The following SMAD3 variants were observed in gnomAD, a reference collection of about 807,000 sequenced individuals.
SMAD3 encodes the protein MAD homolog 3.
In SMAD3, 12 loss-of-function variants were observed where a neutral mutation model predicts 51.8. The observed-to-expected ratio is 0.23, with a 90% CI of 0.15 to 0.38. The LOEUF (loss-of-function observed/expected upper bound fraction) is 0.38, where lower values mean the gene tolerates loss of function less well. Among genes scored for constraint, SMAD3 ranks in the 10% least tolerant of loss-of-function variants. The pLI is 1.00. For missense variants in SMAD3, 294 were observed against 565.6 expected (o/e 0.52, Z 4.87); for synonymous variants, 238 against 227.7 (o/e 1.05, Z -0.41).
At chr15:67,072,479 A>G (rs1566958664) in intron 1 of SMAD3, among the ~76,000 whole-genome samples, 1 of 152,236 alleles carries the variant, frequency 6.6e-6, no homozygotes, top group South Asian at 2.1e-4. Flanking sequence ...AGTCTCATCA[A>G]TAGTCCTAAT....
At chr15:67,068,888 A>G (rs1959987181) in intron 1 of SMAD3, among the ~76,000 whole-genome samples, 1 of 152,170 alleles carries the variant, frequency 6.6e-6, no homozygotes, top group Non-Finnish European at 1.5e-5. Flanking sequence ...TGCTTGTCAA[A>G]TTGTCTGCTT....
rs1595941694 is a variant in SMAD3, at chr15:67,164,975, A to T, written c.287A>T (p.Asp96Val). 1 of 1,614,006 alleles carries T rather than the reference A, an allele frequency of 6.2e-7. No individual in the cohort carries two copies. The highest frequency in any genetic ancestry group is 8.5e-7 in the Non-Finnish European group (1 of 1,180,022). Residue 96 changes from aspartate to valine, a missense_variant, in exon 2 of 9, where the codon GAC becomes GTC. Around this residue, in one of 3 missense-constraint regions of SMAD3, gnomAD observed 147 missense variants for 260.9 expected, o/e 0.56. Coordinates refer to ENST00000327367, the MANE Select transcript of SMAD3 (RefSeq NM_005902.4). ...VIYCRLWRWP[D>V]LHSHHELRAM... Reference sequence around the variant, plus strand: ...TACTGCCGCCTGTGGCGATGGCCAGACCTGCACAGCCACCACGAGCTACGG... The same window carrying T: ...TACTGCCGCCTGTGGCGATGGCCAGTCCTGCACAGCCACCACGAGCTACGG...
rs555324405 is a variant in SMAD3 at position 67,194,674 on chromosome 15, G to T, written c.*4138G>T. Reference sequence around the variant, plus strand: ...AGTTGGGGCACAGCCAGTTCTGAATGTTGGTGGAGGGTGTAGTGGCTTTTT... The same window carrying T: ...AGTTGGGGCACAGCCAGTTCTGAATTTTGGTGGAGGGTGTAGTGGCTTTTT... On this transcript the variant is annotated 3_prime_UTR_variant, in exon 9 of 9. Coordinates refer to ENST00000327367, the MANE Select transcript of SMAD3 (RefSeq NM_005902.4). 9.0e-5 allele frequency: 21 copies of T among 232,126 alleles called. No homozygotes were observed. The highest frequency in any genetic ancestry group is 7.3e-4 in the Admixed American group (13 of 17,758). The allele number at this position is 232,126 out of a possible 1,614,324, so 14.4% of individuals were successfully genotyped here. A position where few individuals can be genotyped will look rare whatever the true frequency, so the allele number is the denominator to read the frequency against.
At chr15:67,175,621 C>T (rs1036867216) in intron 5 of SMAD3, among the ~76,000 whole-genome samples, 8 of 152,196 alleles carry the variant, frequency 5.3e-5, no homozygotes, top group Non-Finnish European at 1.0e-4. Context: ...CCTAGTTGCA[C>T]CTCTGCTGGG....
intron 1 of SMAD3, among the ~76,000 whole-genome samples, chr15:67,143,649 G>T (rs1267211535): frequency 6.6e-6 from 1 of 152,202 alleles, no homozygotes; most frequent in Non-Finnish European, 1.5e-5. Flanking sequence ...GACCAGGCTG[G>T]TCTTGAACTC....
intron 1 of SMAD3, among the ~76,000 whole-genome samples, chr15:67,113,665 T>C (rs1961073326): frequency 6.6e-6 from 1 of 152,226 alleles, no homozygotes. Context: ...ATGACAAGAT[T>C]AACACAGATG....
At chr15:67,186,758 G>T in intron 7 of SMAD3, 1 of 236,918 alleles carries the variant, frequency 4.2e-6, no homozygotes, top group South Asian at 5.1e-5. Context: ...CCAAAATTTG[G>T]CCCAGATCTC....
At chr15:67,103,507 T>C (rs1044812484) in intron 1 of SMAD3, among the ~76,000 whole-genome samples, 2 of 152,230 alleles carry the variant, frequency 1.3e-5, no homozygotes, top group Non-Finnish European at 2.9e-5. Context: ...TGGGTGGGTC[T>C]GGCCCAGGGC....
chr15:67,080,684 G>A (rs112149625), intron 1 of SMAD3, among the ~76,000 whole-genome samples: 1 of 152,172 alleles, frequency 6.6e-6, no homozygotes, highest in African/African-American at 2.4e-5. Flanking sequence ...CTTGAGGAAG[G>A]AATTAAAAAT....
intron 1 of SMAD3, among the ~76,000 whole-genome samples, chr15:67,124,554 A>G (rs1961341135): frequency 1.3e-5 from 2 of 152,234 alleles, no homozygotes; most frequent in Non-Finnish European, 2.9e-5. Context: ...AAAAAGAAAA[A>G]GATTTTGGTT....
chr15:67,072,597 G>C (rs529333374), intron 1 of SMAD3, among the ~76,000 whole-genome samples: 1 of 152,316 alleles, frequency 6.6e-6, no homozygotes, highest in East Asian at 1.9e-4. Context: ...TTGGTTGGCT[G>C]GCAAGAGAAC....
chr15:67,186,160 G>A (rs141797295), intron 7 of SMAD3, among the ~76,000 whole-genome samples: 1 of 152,248 alleles, frequency 6.6e-6, no homozygotes, highest in Non-Finnish European at 1.5e-5. Context: ...CACACAGCTA[G>A]TAAGTGGCCA....
At chr15:67,106,814 A>C (rs923133899) in intron 1 of SMAD3, among the ~76,000 whole-genome samples, 3 of 152,104 alleles carry the variant, frequency 2.0e-5, no homozygotes, top group East Asian at 3.9e-4. Flanking sequence ...TCAGTCCTAC[A>C]TCTCAGTCTT....
At chr15:67,182,283 A>G (rs1963081577) in intron 6 of SMAD3, among the ~76,000 whole-genome samples, 1 of 152,246 alleles carries the variant, frequency 6.6e-6, no homozygotes. Flanking sequence ...GAACATAAGT[A>G]AAAGATGACT....
chr15:67,102,265 T>TGTGTGTGTGTGTGTGC (rs1294202526), intron 1 of SMAD3, among the ~76,000 whole-genome samples: 1 of 151,068 alleles, frequency 6.6e-6, no homozygotes, highest in Non-Finnish European at 1.5e-5. Context: ...TGTGTGTGTG[T>TGTGTGTGTGTGTGTGC]GTGCGGTGTG....
chr15:67,155,524 A>G (rs538886266), intron 1 of SMAD3, among the ~76,000 whole-genome samples: 72 of 152,334 alleles, frequency 4.7e-4, no homozygotes, highest in African/African-American at 1.6e-3. Flanking sequence ...TCAAAGGCCA[A>G]ATGGAACCGA....
chr15:67,180,003 A>G (rs765293267), intron 5 of SMAD3, among the ~76,000 whole-genome samples: 2 of 152,196 alleles, frequency 1.3e-5, no homozygotes, highest in Non-Finnish European at 2.9e-5. Flanking sequence ...TAAGAGCCAG[A>G]GGGACTTCAG....
chr15:67,114,603 G>T (rs1378748045), intron 1 of SMAD3, among the ~76,000 whole-genome samples: 1 of 152,184 alleles, frequency 6.6e-6, no homozygotes, highest in African/African-American at 2.4e-5. Flanking sequence ...GGAAATGGAG[G>T]TTCAGGGTGC....
At chr15:67,184,939 A>G (rs1250500659) in intron 7 of SMAD3, 75 bp downstream of exon 7, 7 of 1,556,280 alleles carry the variant, frequency 4.5e-6, no homozygotes, top group Non-Finnish European at 6.2e-6. Context: ...GAGAGAGTCC[A>G]CCTTTCTCAC....
Sources: gnomAD v4.1 joint callset for allele counts (sites outside exome capture counted in the v4.1 genomes callset) on GRCh38, gnomAD v4.1.1 for gene constraint, gnomAD v4.1.1 regional missense constraint, MANE v1.5 for transcripts, NCBI Gene and HGNC (gene_info 2026-07-23, HGNC 2026-07-21) for gene names.